The following DLGAP1 variants were observed in gnomAD, a reference collection of about 807,000 sequenced individuals.
DLGAP1 encodes disks large-associated protein 1.
A neutral mutation model predicts 90.8 loss-of-function variants in DLGAP1; 11 were observed. That is an observed-to-expected ratio of 0.12 (90% CI 0.08 to 0.20). DLGAP1 has a LOEUF of 0.20. Ranked by LOEUF, DLGAP1 falls within the 10% of genes least tolerant of loss-of-function variation. The pLI, the probability that DLGAP1 is intolerant of heterozygous loss-of-function variation, is 1.00. For missense variants in DLGAP1, 1,050 were observed against 1,333.8 expected (o/e 0.79, Z 3.31); for synonymous variants, 558 against 540.7 (o/e 1.03, Z -0.44).
chr18:3,596,865 C>G (rs374468394), intron 7 of DLGAP1: 1 of 519,958 alleles, frequency 1.9e-6, no homozygotes, highest in Non-Finnish European at 3.8e-6. Context: ...AGAGCCCCCT[C>G]GTGTTTGATG....
rs982972007 is a variant in DLGAP1, at chr18:3,775,675, C to A, written c.1173-33163G>T. On this transcript the variant is annotated intron_variant, in intron 5 of 12. Transcript: ENST00000315677. This position sits in a 1 kb window ranked among gnomAD's most constrained non-coding sequence, Gnocchi z 4.9. The stretch of plus-strand genomic sequence containing the variant: ...GTGTGCCATTTCTTCTATTAATCTG[C>A]CTTTTAAAAGTTGATTTTCAGCAAA... 6.6e-6 allele frequency among the ~76,000 whole-genome samples: 1 copy of A among 152,144 alleles called. No homozygotes were observed. Among genetic ancestry groups the A allele is most frequent in the Admixed American group, 6.5e-5 (1 of 15,278 alleles).
Position 4,058,297 on chromosome 18 carries a change from G to A in DLGAP1, c.-158-53096C>T, listed in dbSNP as rs1378482061. The stretch of plus-strand genomic sequence containing the variant: ...ACTCCCTGTTATTTGTGTGCCCGGG[G>A]CTCTTGTTGCATTTGTGTAGCAGCA... On this transcript the variant is annotated intron_variant, in intron 2 of 12. Transcript: ENST00000315677. 2.0e-5 allele frequency among the ~76,000 whole-genome samples: 3 copies of A among 152,252 alleles called. No individual in the cohort carries two copies. The East Asian group carries it at 5.8e-4, about 29-fold the overall frequency.
chr18:4,216,509 C>T (rs997686079), intron 1 of DLGAP1, among the ~76,000 whole-genome samples: 3 of 152,110 alleles, frequency 2.0e-5, no homozygotes, highest in African/African-American at 7.2e-5. Context: ...ATGCCATACA[C>T]GACCACATGT....
intron 7 of DLGAP1, among the ~76,000 whole-genome samples, chr18:3,590,247 G>A (rs1408794245): frequency 2.6e-5 from 4 of 152,120 alleles, no homozygotes; most frequent in African/African-American, 9.7e-5. Context: ...AAATCTAATG[G>A]GGTTGACAGA....
At chr18:3,663,408 T>C (rs1032919547) in intron 7 of DLGAP1, among the ~76,000 whole-genome samples, 6 of 152,234 alleles carry the variant, frequency 3.9e-5, no homozygotes, top group African/African-American at 1.4e-4. Flanking sequence ...TGACTAACGA[T>C]GACCACAGAT....
At chr18:3,997,885 T>C (rs865985677) in intron 3 of DLGAP1, among the ~76,000 whole-genome samples, 40 of 152,262 alleles carry the variant, frequency 2.6e-4, no homozygotes, top group African/African-American at 9.4e-4. Flanking sequence ...TGGTGTGTAT[T>C]TTACGTGTAC....
At chr18:3,578,504 G>A (rs2055290087) in intron 8 of DLGAP1, among the ~76,000 whole-genome samples, 3 of 151,782 alleles carry the variant, frequency 2.0e-5, no homozygotes, top group Admixed American at 6.6e-5. Flanking sequence ...CTACAGGCGT[G>A]TGCCACCACA....
Position 3,867,431 on chromosome 18 carries a change from T to C in DLGAP1, c.957+11681A>G, listed in dbSNP as rs116114091. Among the ~76,000 whole-genome samples, 540 of 152,046 alleles carry C rather than the reference T, an allele frequency of 3.6e-3. 4 individuals carry two copies. The highest frequency in any genetic ancestry group is 0.012 in the African/African-American group (504 of 41,490). ...GAAGGGAGTACTGGGGAGGGGAAAGTATTGCTGAGCTCAGCTCTCTTGCTA... is the reference window on the plus strand; with the variant it reads ...GAAGGGAGTACTGGGGAGGGGAAAGCATTGCTGAGCTCAGCTCTCTTGCTA... On this transcript the variant is annotated intron_variant, in intron 4 of 12. Transcript: ENST00000315677.
At chr18:4,086,246 A>T (rs1281142517) in intron 2 of DLGAP1, among the ~76,000 whole-genome samples, 3 of 152,198 alleles carry the variant, frequency 2.0e-5, no homozygotes, top group Non-Finnish European at 4.4e-5. Context: ...ATCCCAAAAG[A>T]GCACTAAAGC....
At chr18:4,227,242 T>A (rs1412782876) in intron 1 of DLGAP1, among the ~76,000 whole-genome samples, 2 of 151,962 alleles carry the variant, frequency 1.3e-5, no homozygotes, top group Non-Finnish European at 2.9e-5. Flanking sequence ...GGTAGACCCC[T>A]ATACATTAAT....
intron 4 of DLGAP1, among the ~76,000 whole-genome samples, chr18:3,867,231 C>T (rs2148774570): frequency 6.6e-6 from 1 of 152,222 alleles, no homozygotes. Context: ...CTCAGGAAGA[C>T]TTTTGAGTGC....
At chr18:4,045,805 T>G (rs2075045342) in intron 2 of DLGAP1, among the ~76,000 whole-genome samples, 1 of 150,978 alleles carries the variant, frequency 6.6e-6, no homozygotes. Flanking sequence ...TTTTTTTTTT[T>G]TAAAGTTAGC....
At chr18:4,437,749 TGC>T (rs2083437003) in intron 1 of DLGAP1, among the ~76,000 whole-genome samples, 1 of 152,204 alleles carries the variant, frequency 6.6e-6, no homozygotes, top group Non-Finnish European at 1.5e-5. Context: ...AAAGATTATA[TGC>T]AAACCTGGCA....
chr18:4,345,480 C>T (rs1339919755), intron 1 of DLGAP1, among the ~76,000 whole-genome samples: 1 of 152,208 alleles, frequency 6.6e-6, no homozygotes, highest in Non-Finnish European at 1.5e-5. Flanking sequence ...ACAATAGGCA[C>T]ACTTCATCAT....
At chr18:3,665,256 A>G (rs969435698) in intron 7 of DLGAP1, among the ~76,000 whole-genome samples, 1 of 152,112 alleles carries the variant, frequency 6.6e-6, no homozygotes, top group Non-Finnish European at 1.5e-5. Flanking sequence ...CTAGATCAGG[A>G]GCTCTTCCCC....
At chr18:3,891,582 C>A (rs939574885) in intron 3 of DLGAP1, among the ~76,000 whole-genome samples, 2 of 152,200 alleles carry the variant, frequency 1.3e-5, no homozygotes, top group Admixed American at 6.5e-5. Context: ...CAATAAATAT[C>A]AAGTGAATAA....
At chr18:3,858,326 TC>T (rs1400088776) in intron 4 of DLGAP1, among the ~76,000 whole-genome samples, 1 of 152,040 alleles carries the variant, frequency 6.6e-6, no homozygotes, top group Non-Finnish European at 1.5e-5. Flanking sequence ...AGTTCCCCTC[TC>T]CTCCCAGGTT....
intron 2 of DLGAP1, among the ~76,000 whole-genome samples, chr18:4,123,932 T>A (rs796872524): frequency 6.6e-6 from 1 of 152,194 alleles, no homozygotes; most frequent in African/African-American, 2.4e-5. Flanking sequence ...ACTCTGAGAT[T>A]CTTGGTGTTT....
At chr18:4,166,942 G>T (rs1356277484) in intron 1 of DLGAP1, among the ~76,000 whole-genome samples, 2 of 152,184 alleles carry the variant, frequency 1.3e-5, no homozygotes, top group Admixed American at 6.5e-5. Context: ...AAAAATATCT[G>T]AAGATAGATA....
Sources: allele counts gnomAD v4.1 joint callset (sites outside exome capture counted in the v4.1 genomes callset), GRCh38; gene constraint gnomAD v4.1.1; non-coding constraint Gnocchi (gnomAD v3.1); transcripts MANE v1.5; gene names NCBI Gene and HGNC (gene_info 2026-07-23, HGNC 2026-07-21).